SEC24A: variants seen among roughly 807,000 people sequenced by gnomAD.
The protein encoded by SEC24A is SEC24 homolog A, COPII component, also known as protein transport protein Sec24A.
A neutral mutation model predicts 129.4 loss-of-function variants in SEC24A; 93 were observed. The observed-to-expected ratio is 0.72, with a 90% CI of 0.61 to 0.85. The LOEUF (loss-of-function observed/expected upper bound fraction) is 0.85, where lower values mean the gene tolerates loss of function less well. Among genes scored for constraint, SEC24A ranks in the 40% least tolerant of loss-of-function variants. SEC24A has a pLI of 0.00. For synonymous variants in SEC24A, 460 were observed against 467.3 expected (o/e 0.98, Z 0.20); for missense variants, 1,264 against 1,307.4 (o/e 0.97, Z 0.51).
chr5:134,723,582 C>G lies in SEC24A; in HGVS notation c.3079C>G (p.Leu1027Val), dbSNP rs1393671779. Residue 1027 changes from leucine (L) to valine (V), a missense_variant, in exon 22 of 23, where the codon CTT becomes GTT. Leu to Val is a conservative substitution (Grantham distance 32). Transcript: ENST00000398844. ...TGGTTAACAGACAGACCTTCCAGAA[C>G]TTGATACACCAGAATCTGCCAGAAT... ...IPQPMTDLPE[L>V]DTPESARIIA... is the part of the protein sequence containing the mutation. 1.2e-6 allele frequency: 2 copies of G among 1,611,496 alleles called. No individual in the cohort carries two copies. Among genetic ancestry groups the G allele is most frequent in the Admixed American group, 1.7e-5 (1 of 59,914 alleles).
At chr5:134,676,174 C>G (rs1003786459) in intron 7 of SEC24A, 49 bp downstream of exon 7, 5 of 1,379,134 alleles carry the variant, frequency 3.6e-6, no homozygotes, top group Non-Finnish European at 5.0e-6. Flanking sequence ...GAGTCTCCCT[C>G]TGTCGCCCAG....
chr5:134,698,250 CTT>C (rs1278084544), intron 15 of SEC24A, among the ~76,000 whole-genome samples, 193 bp downstream of exon 15: 4 of 152,114 alleles, frequency 2.6e-5, no homozygotes, highest in East Asian at 3.9e-4. Context: ...AAAGCACTGA[CTT>C]ATATATTTTT....
intron 3 of SEC24A, among the ~76,000 whole-genome samples, chr5:134,669,798 G>A (rs1006659018): frequency 6.6e-6 from 1 of 152,090 alleles, no homozygotes; most frequent in Non-Finnish European, 1.5e-5. Context: ...AAACTTTTAA[G>A]AGATAGAGTT....
intron 1 of SEC24A, among the ~76,000 whole-genome samples, chr5:134,655,242 C>T (rs1561799258): frequency 6.6e-6 from 1 of 152,190 alleles, no homozygotes; most frequent in Non-Finnish European, 1.5e-5. Flanking sequence ...ATTATTATAG[C>T]AGGTTCCTCT....
chr5:134,668,734 C>CA (rs201252724), intron 3 of SEC24A, among the ~76,000 whole-genome samples: 3 of 146,082 alleles, frequency 2.1e-5, no homozygotes, highest in African/African-American at 7.6e-5. Context: ...CACACACACA[C>CA]AAAAAAAACC....
In SEC24A at chr5:134,686,851, A is replaced by G. The variant is rs1314136947; in HGVS notation, c.1553A>G (p.Glu518Gly). 6.2e-7 allele frequency: 1 copy of G among 1,611,796 alleles called. No individual in the cohort carries two copies. The highest frequency in any genetic ancestry group is 2.2e-5 in the East Asian group (1 of 44,750). ...FVFDVSHNAV[E>G]TGYLNSVCQS... ...TTTGATGTGTCTCACAATGCAGTCG[A>G]AACTGGATACTTGAATTCAGTTTGC... Residue 518 changes from glutamate (E) to glycine (G), a missense_variant, in exon 10 of 23, where the codon GAA becomes GGA. Physicochemically the swap from Glu to Gly is moderately conservative, Grantham distance 98. Transcript: ENST00000398844.
chr5:134,696,988 C>A, intron 13 of SEC24A, 138 bp from the exon 14 acceptor site: 1 of 504,448 alleles, frequency 2.0e-6, no homozygotes, highest in Non-Finnish European at 3.4e-6. Context: ...AGTAGTACCA[C>A]AAAGGAAAAG....
At chr5:134,648,499 T>C (rs1749931206), upstream of SEC24A, 1 of 152,518 alleles carries the variant, frequency 6.6e-6, no homozygotes, top group Non-Finnish European at 1.5e-5. Flanking sequence ...GGCTACTGAA[T>C]CTCAGATTGC....
At position 134,705,389 on chromosome 5, in the gene SEC24A, T is replaced by A. The variant is rs778945917; in HGVS notation, c.2503T>A (p.Phe835Ile). Reference sequence around the variant, plus strand: ...AGTAGTTTCGACTCTGAATGATGTCTTTCTTGGAGCTGATGTTCAAGCAAT... The same window carrying A: ...AGTAGTTTCGACTCTGAATGATGTCATTCTTGGAGCTGATGTTCAAGCAAT... ...LPVVSTLNDVFLGADVQAISG... is the reference protein window; with the variant it reads ...LPVVSTLNDVILGADVQAISG... Residue 835 changes from phenylalanine (F) to isoleucine (I), a missense_variant, in exon 17 of 23, where the codon TTT (phenylalanine) becomes ATT (isoleucine). Physicochemically the swap from Phe to Ile is conservative, Grantham distance 21. Transcript: ENST00000398844. 1 of 1,613,444 alleles carries A rather than the reference T, an allele frequency of 6.2e-7. No homozygotes were observed. Among genetic ancestry groups the A allele is most frequent in the Non-Finnish European group, 8.5e-7 (1 of 1,179,748 alleles).
intron 11 of SEC24A, among the ~76,000 whole-genome samples, chr5:134,691,993 C>G (rs975999732): frequency 1.5e-4 from 22 of 148,930 alleles, no homozygotes; most frequent in African/African-American, 4.6e-4. Flanking sequence ...TATCTTTAGC[C>G]TAAGAAGCAT....
chr5:134,656,926 T>C (rs1227827436), intron 1 of SEC24A, among the ~76,000 whole-genome samples: 2 of 151,756 alleles, frequency 1.3e-5, no homozygotes, highest in Non-Finnish European at 2.9e-5. Flanking sequence ...GGCTCATGCT[T>C]GTAATCTTAG....
intron 15 of SEC24A, chr5:134,701,110 G>A (rs907112367): frequency 6.6e-6 from 1 of 152,178 alleles, no homozygotes; most frequent in African/African-American, 2.4e-5. Flanking sequence ...GCCTCCCAAA[G>A]TGCTGGGATT....
intron 22 of SEC24A, 39 bp downstream of exon 22, chr5:134,723,709 T>C (rs1752684892): frequency 1.6e-6 from 2 of 1,274,830 alleles, no homozygotes; most frequent in African/African-American, 2.9e-5. Flanking sequence ...TAAAACAATT[T>C]GTTTGGCCTT....
chr5:134,669,642 AT>A (rs373352682), intron 3 of SEC24A, among the ~76,000 whole-genome samples: 17,004 of 149,440 alleles, frequency 0.11, 1,141 homozygotes, highest in East Asian at 0.27. Flanking sequence ...CGCCCGGCTA[AT>A]TTTTTTTGTA....
intron 7 of SEC24A, among the ~76,000 whole-genome samples, chr5:134,679,088 T>A (rs923825377): frequency 3.9e-5 from 6 of 152,128 alleles, no homozygotes; most frequent in African/African-American, 1.4e-4. Context: ...ATTTTTATTT[T>A]ATTTTATTTT....
chr5:134,676,766 A>G (rs1751082199), intron 7 of SEC24A, among the ~76,000 whole-genome samples: 2 of 152,248 alleles, frequency 1.3e-5, no homozygotes, highest in African/African-American at 4.8e-5. Flanking sequence ...CTTTTGTGCA[A>G]AATTATCTTG....
At chr5:134,720,070 G>C (rs1400512261) in intron 20 of SEC24A, among the ~76,000 whole-genome samples, 4 of 152,150 alleles carry the variant, frequency 2.6e-5, no homozygotes, top group Non-Finnish European at 5.9e-5. Flanking sequence ...TATATCTCTA[G>C]TGTAGCCTAA....
chr5:134,707,099 A>G (rs999932650), intron 17 of SEC24A, among the ~76,000 whole-genome samples: 3 of 152,000 alleles, frequency 2.0e-5, no homozygotes, highest in African/African-American at 7.2e-5. Context: ...GGCCTACCAA[A>G]CTGTTGAGAT....
rs192407617 is a variant in SEC24A at position 134,681,964 on chromosome 5, G to A, written c.1382-409G>A. ...ATTGGGAAGTTTAAGAAAATAGGCC[G>A]GGTGTGGTGGCTCACATCTGTAATC... On this transcript the variant is annotated intron_variant, in intron 8 of 22. Transcript: ENST00000398844. 4.5e-4 allele frequency among the ~76,000 whole-genome samples: 68 copies of A among 152,214 alleles called. No homozygotes were observed. The East Asian group carries it at 0.011, about 24-fold the overall frequency.
Sources: gnomAD v4.1 joint callset for allele counts (sites outside exome capture counted in the v4.1 genomes callset) on GRCh38, gnomAD v4.1.1 for gene constraint, MANE v1.5 for transcripts, NCBI Gene and HGNC (gene_info 2026-07-23, HGNC 2026-07-21) for gene names.